The following PATJ variants were observed in gnomAD, a reference collection of about 807,000 sequenced individuals.
PATJ encodes PATJ crumbs cell polarity complex component.
PATJ carries 190 observed loss-of-function variants against 224.9 expected under a neutral mutation model. That is an observed-to-expected ratio of 0.84 (90% CI 0.75 to 0.95). The LOEUF (loss-of-function observed/expected upper bound fraction) is 0.95. Ranked by LOEUF, PATJ falls within the 40% of genes least tolerant of loss-of-function variation. PATJ has a pLI of 0.00. For synonymous variants in PATJ, 769 were observed against 820.3 expected, an observed-to-expected ratio of 0.94 and a Z score of 1.07; for missense variants, 2,121 against 2,270.3, an observed-to-expected ratio of 0.93 and a Z score of 1.34.
chr1:61,826,746 T>A (rs1194227189), intron 15 of PATJ, among the ~76,000 whole-genome samples: 7 of 152,244 alleles, frequency 4.6e-5, no homozygotes, highest in African/African-American at 1.4e-4. Flanking sequence ...AAAATTATTT[T>A]AAAAATTATT....
intron 28 of PATJ, among the ~76,000 whole-genome samples, chr1:61,996,263 C>T (rs990108761): frequency 2.6e-5 from 4 of 152,054 alleles, no homozygotes; most frequent in East Asian, 1.9e-4. Flanking sequence ...GAGAAAAAAC[C>T]GAAACCATAA....
chr1:61,907,743 A>G (rs1378090184), intron 24 of PATJ, among the ~76,000 whole-genome samples: 3 of 152,202 alleles, frequency 2.0e-5, no homozygotes, highest in Admixed American at 1.3e-4. Flanking sequence ...TCTGTTAAAC[A>G]TGTTTTGGAA....
At chr1:61,904,234 G>A (rs1671573695) in intron 24 of PATJ, among the ~76,000 whole-genome samples, 1 of 151,980 alleles carries the variant, frequency 6.6e-6, no homozygotes, top group Non-Finnish European at 1.5e-5. Context: ...CTGATCTATT[G>A]TAACTTAATT....
chr1:61,968,088 G>A (rs188263256), intron 27 of PATJ, among the ~76,000 whole-genome samples: 36 of 152,218 alleles, frequency 2.4e-4, no homozygotes, highest in African/African-American at 8.4e-4. Flanking sequence ...TACCAACACC[G>A]GAGAGAAAAC....
chr1:62,059,616 C>CAAA (rs536875774), intron 31 of PATJ, among the ~76,000 whole-genome samples: 1 of 134,094 alleles, frequency 7.5e-6, no homozygotes, highest in Non-Finnish European at 1.6e-5. Flanking sequence ...GACTCCATCT[C>CAAA]AAAAAAAAAA....
At chr1:61,887,057 A>G (rs1014541528) in intron 22 of PATJ, among the ~76,000 whole-genome samples, 2 of 151,760 alleles carry the variant, frequency 1.3e-5, no homozygotes, top group Non-Finnish European at 2.9e-5. Flanking sequence ...ATATATGTGT[A>G]TATATATAAT....
chr1:61,824,361 G>C (rs144940943), intron 15 of PATJ, among the ~76,000 whole-genome samples: 1 of 150,220 alleles, frequency 6.7e-6, no homozygotes, highest in Non-Finnish European at 1.5e-5. Context: ...CACTGCACCC[G>C]GTCCACTTTT....
chr1:61,805,525 G>A lies in PATJ; in HGVS notation c.1626+1G>A, dbSNP rs1373388702. Reference sequence around the variant, plus strand: ...GTTGGGTCCTGATTATGAAGTAATGGTATGTTAAAATGCTCTAATAAAAAA... The same window carrying A: ...GTTGGGTCCTGATTATGAAGTAATGATATGTTAAAATGCTCTAATAAAAAA... On this transcript the variant is annotated splice_donor_variant, in intron 13 of 43. Coordinates refer to ENST00000642238, the MANE Select transcript of PATJ (RefSeq NM_001350145.3). LOFTEE classifies it high-confidence loss of function. 1.9e-6 allele frequency: 3 copies of A among 1,550,322 alleles called. No individual in the cohort carries two copies. The highest frequency in any genetic ancestry group is 1.7e-4 in the Middle Eastern group (1 of 5,928).
intron 35 of PATJ, chr1:62,114,741 A>G (rs1477461311): frequency 6.3e-6 from 1 of 158,100 alleles, no homozygotes; most frequent in Non-Finnish European, 1.4e-5. Context: ...GTAGTTTTCT[A>G]TTAAGAAAAA....
chr1:61,890,105 A>G (rs1467715482), intron 22 of PATJ, among the ~76,000 whole-genome samples: 1 of 152,154 alleles, frequency 6.6e-6, no homozygotes, highest in Non-Finnish European at 1.5e-5. Context: ...TCTGCTGTTT[A>G]TACCTGTATG....
intron 41 of PATJ, among the ~76,000 whole-genome samples, chr1:62,136,710 GTGT>G (rs1666940616): frequency 6.6e-6 from 1 of 150,866 alleles, no homozygotes; most frequent in African/African-American, 2.4e-5. Context: ...TGTGTGTGGT[GTGT>G]TGTTTTTTTG....
chr1:61,759,472 C>T lies in PATJ; in HGVS notation c.-35-3386C>T, dbSNP rs898411752. Among the ~76,000 whole-genome samples, 8 of 150,008 alleles carry T rather than the reference C, an allele frequency of 5.3e-5. No homozygotes were observed. In the East Asian group the frequency reaches 7.9e-4, roughly 15 times the overall value. On this transcript the variant is annotated intron_variant, in intron 1 of 43. Coordinates refer to ENST00000642238, the MANE Select transcript of PATJ (RefSeq NM_001350145.3). ...TCACCCAGGCTGGAGTGCAGTGGCA[C>T]GATCCCGGCTCACTGAAACCTCCAC...
chr1:62,146,142 C>T (rs941971171), intron 41 of PATJ, among the ~76,000 whole-genome samples: 40 of 151,930 alleles, frequency 2.6e-4, no homozygotes, highest in Admixed American at 2.1e-3. Context: ...AAATACAGAA[C>T]GTGCCAGGCA....
rs139584924 is a variant in PATJ at position 62,158,108 on chromosome 1, T to A, written c.5503-2800T>A. On this transcript the variant is annotated intron_variant, in intron 43 of 43. Transcript: ENST00000642238. ...CACAAGGTAGATAGTAGATGCCCAT[T>A]TTACGGCATCTGAGAAGACTAAGTG... 5.6e-3 allele frequency among the ~76,000 whole-genome samples: 839 copies of A among 149,524 alleles called. 27 individuals carry two copies. The highest frequency in any genetic ancestry group is 0.019 in the African/African-American group (778 of 41,370).
At chr1:62,102,575 C>T (rs763908041) in intron 33 of PATJ, among the ~76,000 whole-genome samples, 11 of 151,738 alleles carry the variant, frequency 7.2e-5, no homozygotes, top group Non-Finnish European at 1.2e-4. Flanking sequence ...ATGGGCCAGG[C>T]GTGGTGGTGG....
At chr1:62,145,823 T>C (rs553666860) in intron 41 of PATJ, among the ~76,000 whole-genome samples, 2 of 151,676 alleles carry the variant, frequency 1.3e-5, no homozygotes, top group African/African-American at 4.8e-5. Context: ...CCAGGCATGG[T>C]GGCATGCGCC....
chr1:62,070,019 A>G (rs1351978144), intron 31 of PATJ, among the ~76,000 whole-genome samples: 2 of 152,256 alleles, frequency 1.3e-5, no homozygotes, highest in Non-Finnish European at 1.5e-5. Flanking sequence ...AAGGAAGAAT[A>G]AAACCAAATT....
At chr1:62,160,340 G>C (rs1299763288) in intron 43 of PATJ, among the ~76,000 whole-genome samples, 2 of 152,028 alleles carry the variant, frequency 1.3e-5, no homozygotes, top group Non-Finnish European at 2.9e-5. Flanking sequence ...GGAAGGTTTT[G>C]AATATATTAC....
chr1:61,911,032 A>C (rs538009924), intron 25 of PATJ, among the ~76,000 whole-genome samples: 23 of 152,094 alleles, frequency 1.5e-4, no homozygotes, highest in Admixed American at 7.2e-4. Flanking sequence ...TTTCCTTAAA[A>C]CCCCCAAAAT....
Sources: gnomAD v4.1 joint callset for allele counts (sites outside exome capture counted in the v4.1 genomes callset) on GRCh38, gnomAD v4.1.1 for gene constraint, MANE v1.5 for transcripts, NCBI Gene and HGNC (gene_info 2026-07-23, HGNC 2026-07-21) for gene names.